Variants in LEPR observed in about 807,000 individuals in gnomAD.
LEPR encodes the protein OB receptor.
LEPR carries 56 observed loss-of-function variants against 114.7 expected under a neutral mutation model. That is an observed-to-expected ratio of 0.49 (90% CI 0.39 to 0.61). LEPR has a LOEUF of 0.61. Ranked by LOEUF, LEPR falls within the 20% of genes least tolerant of loss-of-function variation. LEPR has a pLI of 0.00. For synonymous variants in LEPR, 443 were observed against 461.4 expected (o/e 0.96, Z 0.51); for missense variants, 1,202 against 1,352.9 (o/e 0.89, Z 1.75).
chr1:65,525,685 C>T (rs1025294482), intron 2 of LEPR: 1 of 985,644 alleles, frequency 1.0e-6, no homozygotes, highest in Non-Finnish European at 1.2e-6. Flanking sequence ...GAGAGTTGCC[C>T]CGCACCTTGG....
intron 2 of LEPR, among the ~76,000 whole-genome samples, chr1:65,479,053 TA>T (rs1647188721): frequency 6.6e-6 from 1 of 152,222 alleles, no homozygotes; most frequent in African/African-American, 2.4e-5. Flanking sequence ...TACAGTCTTA[TA>T]AAGAATTTCC....
At chr1:65,532,693 T>C (rs1650488581) in intron 2 of LEPR, among the ~76,000 whole-genome samples, 1 of 152,144 alleles carries the variant, frequency 6.6e-6, no homozygotes, top group South Asian at 2.1e-4. Context: ...AACACGATGA[T>C]CCTTGAAAAC....
At chr1:65,469,066 G>A (rs1047019003) in intron 2 of LEPR, among the ~76,000 whole-genome samples, 1 of 152,188 alleles carries the variant, frequency 6.6e-6, no homozygotes, top group Non-Finnish European at 1.5e-5. Context: ...ATTTCAGAAA[G>A]TTTTTATTAA....
At chr1:65,601,779 A>T (rs982527609) in intron 9 of LEPR, 64 bp from the exon 10 acceptor site, 125 of 1,582,546 alleles carry the variant, frequency 7.9e-5, no homozygotes, top group Non-Finnish European at 9.0e-5. Context: ...GTAAGAAAAA[A>T]TTTTTTTCAT....
At chr1:65,530,633 G>A (rs1438620995) in intron 2 of LEPR, among the ~76,000 whole-genome samples, 5 of 152,186 alleles carry the variant, frequency 3.3e-5, no homozygotes, top group Non-Finnish European at 4.4e-5. Context: ...TAGTAGTGGG[G>A]ACAACCAGAC....
At chr1:65,536,418 A>G (rs992466010) in intron 2 of LEPR, among the ~76,000 whole-genome samples, 1 of 152,092 alleles carries the variant, frequency 6.6e-6, no homozygotes, top group Non-Finnish European at 1.5e-5. Flanking sequence ...GAGCCAAGAA[A>G]CCTTTTTTCT....
At chr1:65,478,879 G>C (rs1647186894) in intron 2 of LEPR, among the ~76,000 whole-genome samples, 1 of 152,168 alleles carries the variant, frequency 6.6e-6, no homozygotes, top group Non-Finnish European at 1.5e-5. Flanking sequence ...CCTGGAGTTT[G>C]AGTAGGTCTT....
At chr1:65,550,934 A>G (rs998718632) in intron 2 of LEPR, among the ~76,000 whole-genome samples, 3 of 152,040 alleles carry the variant, frequency 2.0e-5, no homozygotes, top group African/African-American at 7.2e-5. Flanking sequence ...GCTGTAGACC[A>G]GAGCTGTTCC....
chr1:65,449,689 T>C (rs1557597097), intron 2 of LEPR, among the ~76,000 whole-genome samples: 1 of 152,030 alleles, frequency 6.6e-6, no homozygotes, highest in Non-Finnish European at 1.5e-5. Flanking sequence ...TTTATCTTTT[T>C]TTTTTTTTTA....
intron 2 of LEPR, among the ~76,000 whole-genome samples, chr1:65,506,064 AC>A (rs952328615): frequency 6.6e-6 from 1 of 152,184 alleles, no homozygotes; most frequent in African/African-American, 2.4e-5. Flanking sequence ...CTGGTTCCCC[AC>A]ATATTTTTGA....
At chr1:65,467,653 T>C (rs1647032036) in intron 2 of LEPR, among the ~76,000 whole-genome samples, 1 of 152,236 alleles carries the variant, frequency 6.6e-6, no homozygotes, top group Non-Finnish European at 1.5e-5. Flanking sequence ...GTGGAATCTA[T>C]AGAGGCAGTG....
intron 16 of LEPR, 56 bp from the exon 17 acceptor site, chr1:65,619,872 C>A: frequency 7.9e-7 from 1 of 1,264,612 alleles, no homozygotes; most frequent in Non-Finnish European, 1.2e-6. Context: ...AATGTATGTT[C>A]CACTCATTAC....
chr1:65,473,854 G>T (rs1007956018), intron 2 of LEPR, among the ~76,000 whole-genome samples: 3 of 152,270 alleles, frequency 2.0e-5, no homozygotes, highest in Non-Finnish European at 4.4e-5. Flanking sequence ...CATCATGTTT[G>T]TAAATTAGAA....
Position 65,633,860 on chromosome 1 carries a change from A to C in LEPR, c.2674-2331A>C. 1 of 985,040 alleles carries C rather than the reference A, an allele frequency of 1.0e-6. No homozygotes were observed. Among genetic ancestry groups the C allele is most frequent in the Non-Finnish European group, 1.2e-6 (1 of 829,572 alleles). The allele number at this position is 985,040 out of a possible 1,614,324, so 61.0% of individuals were successfully genotyped here. ...GTTGTGTTTGTGCTGCCCACAGGAC[A>C]GTGGGAGTTACAGTTCATATCAGGA... On this transcript the variant is annotated intron_variant, in intron 19 of 19. Coordinates refer to ENST00000349533, the MANE Select transcript of LEPR (RefSeq NM_002303.6). This position sits in a 1 kb window ranked among gnomAD's most constrained non-coding sequence, Gnocchi z 4.1.
chr1:65,449,516 TCGAACA>T (rs1196717228), intron 2 of LEPR, among the ~76,000 whole-genome samples: 1 of 152,010 alleles, frequency 6.6e-6, no homozygotes, highest in Non-Finnish European at 1.5e-5. Context: ...ATCAGAGGAC[TCGAACA>T]CCAGCCTCCC....
chr1:65,592,599 A>T, intron 5 of LEPR, 58 bp from the exon 6 acceptor site: 1 of 1,586,506 alleles, frequency 6.3e-7, no homozygotes, highest in South Asian at 1.1e-5. Flanking sequence ...CCTGCTTTAA[A>T]AGCCTATCCA....
At position 65,595,095 on chromosome 1, in the gene LEPR, G is replaced by C. The variant is rs534254890; in HGVS notation, c.704-1353G>C. ...CATCCACAGGGGATTGGAGTAAAGG[G>C]GAAGCTTGAAAAGACATATAGGAGA... On this transcript the variant is annotated intron_variant, in intron 6 of 19. Coordinates refer to ENST00000349533, the MANE Select transcript of LEPR (RefSeq NM_002303.6). 5.6e-4 allele frequency among the ~76,000 whole-genome samples: 85 copies of C among 152,064 alleles called. 2 individuals are homozygous for C. The South Asian group carries it at 0.018, about 32-fold the overall frequency.
intron 2 of LEPR, among the ~76,000 whole-genome samples, chr1:65,479,921 A>C (rs1444520618): frequency 6.6e-6 from 1 of 151,802 alleles, no homozygotes; most frequent in East Asian, 1.9e-4. Context: ...AACAAGACAA[A>C]AAACAAACAA....
intron 6 of LEPR, among the ~76,000 whole-genome samples, chr1:65,595,609 CT>C (rs1197430744): frequency 6.6e-6 from 1 of 151,950 alleles, no homozygotes; most frequent in African/African-American, 2.4e-5. Flanking sequence ...TGACCAAATT[CT>C]TGAAAATATA....
Sources: gnomAD v4.1 joint callset for allele counts (sites outside exome capture counted in the v4.1 genomes callset) on GRCh38, gnomAD v4.1.1 for gene constraint, Gnocchi (gnomAD v3.1) non-coding constraint, MANE v1.5 for transcripts, NCBI Gene and HGNC (gene_info 2026-07-23, HGNC 2026-07-21) for gene names.